IGBP1C: variants seen among roughly 807,000 people sequenced by gnomAD.
The protein encoded by IGBP1C is immunoglobulin-binding protein 1 family member C.
chr17:58,689,471 G>A, the IGBP1C span, among the ~76,000 whole-genome samples: 1 of 152,036 alleles, frequency 6.6e-6, no homozygotes, highest in African/African-American at 2.4e-5. Flanking sequence ...CACCCGCCTT[G>A]GCCTCCCAAA....
chr17:58,670,641 C>T, the IGBP1C span, among the ~76,000 whole-genome samples: 32 of 151,524 alleles, frequency 2.1e-4, no homozygotes, highest in Non-Finnish European at 4.3e-4. Flanking sequence ...GGTGTGGTGG[C>T]AGGCACCTGT....
At chr17:58,662,136 T>C in the IGBP1C span, among the ~76,000 whole-genome samples, 2 of 143,764 alleles carry the variant, frequency 1.4e-5, no homozygotes, top group Admixed American at 1.4e-4. Flanking sequence ...CCACCACGCC[T>C]GGCCTAAAAC....
chr17:58,690,608 A>T, the IGBP1C span, among the ~76,000 whole-genome samples: 1 of 152,210 alleles, frequency 6.6e-6, no homozygotes, highest in African/African-American at 2.4e-5. Flanking sequence ...TGGGTGCTTT[A>T]TAAGCATAAG....
chr17:58,685,579 T>C, the IGBP1C span, among the ~76,000 whole-genome samples: 1 of 151,358 alleles, frequency 6.6e-6, no homozygotes, highest in African/African-American at 2.4e-5. Flanking sequence ...AAGGCCAAAG[T>C]AGCAGGAGTA....
the IGBP1C span, among the ~76,000 whole-genome samples, chr17:58,665,061 A>G: frequency 6.6e-6 from 1 of 152,170 alleles, no homozygotes; most frequent in African/African-American, 2.4e-5. Context: ...AAATAAGGAA[A>G]CAGATTAAGT....
At chr17:58,681,282 A>G in the IGBP1C span, among the ~76,000 whole-genome samples, 6 of 152,140 alleles carry the variant, frequency 3.9e-5, no homozygotes, top group Admixed American at 3.9e-4. Flanking sequence ...AATAAAAATG[A>G]AAATAAAAAT....
At chr17:58,683,970 C>A in the IGBP1C span, among the ~76,000 whole-genome samples, 1 of 151,912 alleles carries the variant, frequency 6.6e-6, no homozygotes, top group Non-Finnish European at 1.5e-5. Flanking sequence ...GAGGCTGAGG[C>A]AGAAGAACTG....
At chr17:58,690,198 G>A in the IGBP1C span, among the ~76,000 whole-genome samples, 2 of 151,576 alleles carry the variant, frequency 1.3e-5, no homozygotes, top group Admixed American at 1.3e-4. Context: ...ATGGAGTCTC[G>A]CTCTGTCGCC....
At chr17:58,669,726 T>C in the IGBP1C span, among the ~76,000 whole-genome samples, 12 of 93,284 alleles carry the variant, frequency 1.3e-4, no homozygotes, top group African/African-American at 5.0e-4. Context: ...AGAGAGAGAC[T>C]CCGTCTCAAA....
the IGBP1C span, among the ~76,000 whole-genome samples, chr17:58,663,543 G>A: frequency 2.0e-5 from 3 of 150,640 alleles, no homozygotes; most frequent in Non-Finnish European, 4.4e-5. Context: ...CTTGGCTCAC[G>A]GCAACCTCCA....
chr17:58,673,397 C>T, the IGBP1C span, among the ~76,000 whole-genome samples: 5 of 150,474 alleles, frequency 3.3e-5, no homozygotes, highest in Non-Finnish European at 5.9e-5. Context: ...GCAGGAAAAT[C>T]GGTTGAACCC....
At chr17:58,688,718 C>T in the IGBP1C span, among the ~76,000 whole-genome samples, 2 of 151,996 alleles carry the variant, frequency 1.3e-5, no homozygotes, top group Non-Finnish European at 1.5e-5. Flanking sequence ...TGTGTGACTC[C>T]GCAGCCCATG....
At chr17:58,661,700 C>T in the IGBP1C span, 5 of 586,590 alleles carry the variant, frequency 8.5e-6, no homozygotes, top group Non-Finnish European at 1.5e-5. Context: ...GGGCGCTGCA[C>T]GGCAGGGCAG....
the IGBP1C span, among the ~76,000 whole-genome samples, chr17:58,679,263 A>G: frequency 6.6e-6 from 1 of 152,218 alleles, no homozygotes; most frequent in African/African-American, 2.4e-5. Context: ...AAAGGGCTAC[A>G]AACAAGGAAA....
chr17:58,668,876 A>G, the IGBP1C span, among the ~76,000 whole-genome samples: 6 of 152,194 alleles, frequency 3.9e-5, no homozygotes, highest in African/African-American at 1.4e-4. Flanking sequence ...ATTACATCAC[A>G]CAGTTTGAGA....
chr17:58,665,670 G>A, the IGBP1C span, among the ~76,000 whole-genome samples: 3 of 151,906 alleles, frequency 2.0e-5, no homozygotes, highest in African/African-American at 7.3e-5. Context: ...TTAAATGATA[G>A]CAAGGTACAG....
the IGBP1C span, among the ~76,000 whole-genome samples, chr17:58,686,755 T>C: frequency 6.6e-6 from 1 of 150,866 alleles, no homozygotes; most frequent in East Asian, 2.0e-4. Flanking sequence ...AGCTTTATCA[T>C]AACCACCTCT....
the IGBP1C span, among the ~76,000 whole-genome samples, chr17:58,664,725 A>C: frequency 6.6e-6 from 1 of 152,194 alleles, no homozygotes. Flanking sequence ...ATACATTTCC[A>C]TTAAAATATA....
the IGBP1C span, chr17:58,679,438 C>G: frequency 1.3e-5 from 2 of 152,002 alleles, no homozygotes; most frequent in African/African-American, 4.8e-5. Flanking sequence ...ATCAATCTCT[C>G]GCTATTCCAA....
Sources: gnomAD v4.1 joint callset for allele counts (sites outside exome capture counted in the v4.1 genomes callset) on GRCh38, gnomAD v4.1.1 for gene constraint, MANE v1.5 for transcripts, NCBI Gene and HGNC (gene_info 2026-07-23, HGNC 2026-07-21) for gene names.